Variants in PCDHGA11 observed in about 807,000 individuals in gnomAD.
PCDHGA11 encodes the protein protocadherin gamma-A11.
Under a neutral mutation model 60.4 loss-of-function variants are expected in PCDHGA11, and 39 were observed. The observed-to-expected ratio is 0.65, with a 90% CI of 0.50 to 0.84. PCDHGA11 has a LOEUF of 0.84. Ranked by LOEUF, PCDHGA11 falls within the 40% of genes least tolerant of loss-of-function variation. The pLI is 0.00. For missense variants in PCDHGA11, 1,165 were observed against 1,197.7 expected, an observed-to-expected ratio of 0.97 and a Z score of 0.40; for synonymous variants, 533 against 510.3, an observed-to-expected ratio of 1.04 and a Z score of -0.60.
chr5:141,460,909 G>GGT (rs548378036), intron 1 of PCDHGA11, among the ~76,000 whole-genome samples: 1,853 of 123,260 alleles, frequency 0.015, 18 homozygotes, highest in Non-Finnish European at 0.019. Context: ...AATATTCCAT[G>GGT]GTGTATATAT....
chr5:141,465,483 A>T (rs1279787337), intron 1 of PCDHGA11, among the ~76,000 whole-genome samples: 1 of 152,236 alleles, frequency 6.6e-6, no homozygotes, highest in Non-Finnish European at 1.5e-5. Flanking sequence ...TCATGAGAGG[A>T]ATGAGCGGGA....
At chr5:141,469,511 G>T (rs2099203340) in intron 1 of PCDHGA11, among the ~76,000 whole-genome samples, 2 of 152,038 alleles carry the variant, frequency 1.3e-5, no homozygotes, top group South Asian at 2.1e-4. Flanking sequence ...GGAGGTGGAG[G>T]TTGCAGTGAG....
At chr5:141,483,907 C>A (rs545585133) in intron 1 of PCDHGA11, among the ~76,000 whole-genome samples, 1 of 151,240 alleles carries the variant, frequency 6.6e-6, no homozygotes, top group East Asian at 1.9e-4. Context: ...TGGTGTGTTT[C>A]CCACTCAGAT....
In PCDHGA11 at chr5:141,511,445, A is replaced by G; in HGVS notation, c.*272A>G. ...GGTAGTGGGGTTACTGTAGACACCA[A>G]GAACCATTTGCCACACCCCGTTTAG... On this transcript the variant is annotated 3_prime_UTR_variant, in exon 4 of 4. Coordinates refer to ENST00000398587, the MANE Select transcript of PCDHGA11 (RefSeq NM_018914.3). 4.5e-6 allele frequency: 3 copies of G among 659,774 alleles called. No individual in the cohort carries two copies. Among genetic ancestry groups the G allele is most frequent in the Non-Finnish European group, 4.9e-6 (2 of 412,228 alleles). 40.9% of individuals were successfully genotyped at this position (659,774 alleles called of 1,614,324 possible). A position where few individuals can be genotyped will look rare whatever the true frequency, so the allele number is the denominator to read the frequency against.
At chr5:141,478,936 G>A in intron 1 of PCDHGA11, 1 of 633,220 alleles carries the variant, frequency 1.6e-6, no homozygotes, top group African/African-American at 1.9e-5. Context: ...GCAGCTTCTA[G>A]GAATACAAAA....
chr5:141,433,358 C>CCTATCTAT (rs3074541), intron 1 of PCDHGA11: 29,853 of 503,480 alleles, frequency 0.059, 1,017 homozygotes, highest in East Asian at 0.071. Context: ...CTACTGTCTG[C>CCTATCTAT]CTATCTATCT....
intron 3 of PCDHGA11, among the ~76,000 whole-genome samples, chr5:141,510,272 T>TA (rs546154379): frequency 0.17 from 22,022 of 130,294 alleles, 2,255 homozygotes; most frequent in African/African-American, 0.28. Flanking sequence ...GACTCCATCT[T>TA]AAAAAAAAAA....
At chr5:141,427,132 G>A (rs755992698) in intron 1 of PCDHGA11, 1 of 457,106 alleles carries the variant, frequency 2.2e-6, no homozygotes, top group South Asian at 1.5e-5. Flanking sequence ...AAATCCCTAC[G>A]AGATGATATT....
At chr5:141,436,588 G>A (rs1182294845) in intron 1 of PCDHGA11, among the ~76,000 whole-genome samples, 3 of 152,138 alleles carry the variant, frequency 2.0e-5, no homozygotes, top group Non-Finnish European at 2.9e-5. Context: ...AATTTGAAAG[G>A]TCGTGGTGAT....
In PCDHGA11 at chr5:141,477,868, C is replaced by T. The variant is rs1450078298; in HGVS notation, c.2434-16939C>T. 2 of 1,613,750 alleles carry T rather than the reference C, an allele frequency of 1.2e-6. No individual in the cohort carries two copies. Among genetic ancestry groups the T allele is most frequent in the Admixed American group, 3.3e-5 (2 of 59,988 alleles). On this transcript the variant is annotated intron_variant, in intron 1 of 3. Coordinates refer to ENST00000398587, the MANE Select transcript of PCDHGA11 (RefSeq NM_018914.3). This position sits in a 1 kb window ranked among gnomAD's most constrained non-coding sequence, Gnocchi z 4.9. ...CGGTGGAGATGCTGCCTCGAGGTAC[C>T]TCAGCTGGCCACCTAGTGTCACGGG...
chr5:141,459,295 A>C (rs571675117), intron 1 of PCDHGA11, among the ~76,000 whole-genome samples: 2 of 152,368 alleles, frequency 1.3e-5, no homozygotes, highest in South Asian at 4.1e-4. Context: ...ATGGAATCCT[A>C]TAACATATAC....
Position 141,423,462 on chromosome 5 carries a change from C to G in PCDHGA11, c.2235C>G (p.Asp745Glu). 1 of 1,613,924 alleles carries G rather than the reference C, an allele frequency of 6.2e-7. No homozygotes were observed. Among genetic ancestry groups the G allele is most frequent in the Non-Finnish European group, 8.5e-7 (1 of 1,179,902 alleles). The part of the protein sequence containing the change: ...GMPTSHFVGV[D>E]GVQAFLQTYS... ...CCACGTCACATTTTGTAGGCGTGGA[C>G]GGGGTACAGGCTTTCCTGCAAACCT... The change falls in exon 1 of 4, where the codon GAC becomes GAG. Residue 745 changes from aspartate to glutamate, a missense_variant. By Grantham distance (45) the Asp-to-Glu change is conservative. Transcript: ENST00000398587.
At chr5:141,510,056 G>C (rs1450505898) in intron 3 of PCDHGA11, among the ~76,000 whole-genome samples, 2 of 152,174 alleles carry the variant, frequency 1.3e-5, no homozygotes. Flanking sequence ...AAGTGATTGT[G>C]CATGTGAAGC....
In PCDHGA11 at chr5:141,421,080, C is replaced by CA. The variant is rs2096545590; in HGVS notation, c.-147dup. On this transcript the variant is annotated 5_prime_UTR_variant, in exon 1 of 4. An upstream open reading frame in the 5' UTR gains an earlier in-frame stop. Transcript: ENST00000398587. The stretch of plus-strand genomic sequence containing the variant: ...CACAAAGCGGAATGAGATGGATACT[C>CA]ACAGATCCTGACACTGGAGACTTAG... 1.6e-6 allele frequency: 1 copy of CA among 638,250 alleles called. No homozygotes were observed. Among genetic ancestry groups the CA allele is most frequent in the East Asian group, 2.9e-5 (1 of 34,936 alleles). 39.5% of individuals were successfully genotyped at this position (638,250 alleles called of 1,614,324 possible). A position where few individuals can be genotyped will look rare whatever the true frequency, so the allele number is the denominator to read the frequency against.
rs750109717 is a variant in PCDHGA11, at chr5:141,490,546, A to C, written c.2434-4261A>C. 1.9e-6 allele frequency: 3 copies of C among 1,614,110 alleles called. No individual in the cohort carries two copies. Among genetic ancestry groups the C allele is most frequent in the Non-Finnish European group, 2.5e-6 (3 of 1,180,036 alleles). On this transcript the variant is annotated intron_variant, in intron 1 of 3. Transcript: ENST00000398587. The surrounding 1 kb of genome is among the most constrained non-coding windows in gnomAD (Gnocchi z 5.4). ...CGATGCTGGTTCACCTTCCCTACAC[A>C]AACATCTCACCATCAGGCTCAACAT...
In PCDHGA11 at chr5:141,490,692, G is replaced by C. The variant is rs751109998; in HGVS notation, c.2434-4115G>C. 16 of 1,614,154 alleles carry C rather than the reference G, an allele frequency of 9.9e-6. 1 individual carries two copies. The Middle Eastern group carries it at 6.6e-4, about 67-fold the overall frequency. ...TGGCTGCCTCAGATCCAGACACTGG[G>C]GATAATGCCCGCCTCACCTACTCCA... On this transcript the variant is annotated intron_variant, in intron 1 of 3. Transcript: ENST00000398587. This position sits in a 1 kb window ranked among gnomAD's most constrained non-coding sequence, Gnocchi z 5.4.
chr5:141,503,161 T>C (rs1035413931), intron 2 of PCDHGA11, among the ~76,000 whole-genome samples: 3 of 152,054 alleles, frequency 2.0e-5, no homozygotes, highest in Admixed American at 1.3e-4. Context: ...AGTATCACAA[T>C]TGCAATTACT....
rs564197257 is a variant in PCDHGA11, at chr5:141,458,715, A to G, written c.2433+35055A>G. On this transcript the variant is annotated intron_variant, in intron 1 of 3. Coordinates refer to ENST00000398587, the MANE Select transcript of PCDHGA11 (RefSeq NM_018914.3). ...CTCCCGAGTAGCTGGGATTACAGGT[A>G]TTCGCCACCACATCCAGCTATTGGT... Among the ~76,000 whole-genome samples the G allele has an allele frequency of 3.9e-5, 6 of 152,082 alleles. No homozygotes were observed. The East Asian group carries it at 9.7e-4, about 25-fold the overall frequency.
chr5:141,467,874 G>T (rs926647135), intron 1 of PCDHGA11, among the ~76,000 whole-genome samples: 1 of 151,920 alleles, frequency 6.6e-6, no homozygotes, highest in Non-Finnish European at 1.5e-5. Context: ...GCCCAGGCTG[G>T]TCTCAAACTC....
Sources: gnomAD v4.1 joint callset for allele counts (sites outside exome capture counted in the v4.1 genomes callset) on GRCh38, gnomAD v4.1.1 for gene constraint, Gnocchi (gnomAD v3.1) non-coding constraint, MANE v1.5 for transcripts, NCBI Gene and HGNC (gene_info 2026-07-23, HGNC 2026-07-21) for gene names.